HRK: variants seen among roughly 807,000 people sequenced by gnomAD.
The protein encoded by HRK is harakiri, BCL2 interacting protein, also known as activator of apoptosis harakiri.
Under a neutral mutation model 5.9 loss-of-function variants are expected in HRK, and 6 were observed. The observed-to-expected ratio is 1.02, with a 90% CI of 0.56 to 2.01. HRK has a LOEUF of 2.01. HRK is among the 30% of genes most tolerant of loss of function. The probability of loss-of-function intolerance (pLI) is 0.00; values close to 1 mark genes in which losing one functional copy is unlikely to be tolerated. For synonymous variants in HRK, 85 were observed against 65.1 expected, an observed-to-expected ratio of 1.31 and a Z score of -1.47; for missense variants, 133 against 128.3, an observed-to-expected ratio of 1.04 and a Z score of -0.18.
At chr12:116,864,198 T>C (rs1565882308) in intron 1 of HRK, among the ~76,000 whole-genome samples, 1 of 152,202 alleles carries the variant, frequency 6.6e-6, no homozygotes, top group Non-Finnish European at 1.5e-5. Context: ...ACCTACAGAA[T>C]GAAAGTCAGT....
rs1462060692 is a variant in HRK at position 116,857,071 on chromosome 12, A to T, written c.*4452T>A. On this transcript the variant is annotated 3_prime_UTR_variant, in exon 2 of 2. Coordinates refer to ENST00000257572, the MANE Select transcript of HRK (RefSeq NM_003806.4). ...GCCTTTACCAGATAGCAGGGCTCTC[A>T]GTAAATACTATATAACAATCTGCCA... 1 of 152,234 alleles carries T rather than the reference A, an allele frequency of 6.6e-6. No individual in the cohort carries two copies. Among genetic ancestry groups the T allele is most frequent in the African/African-American group, 2.4e-5 (1 of 41,454 alleles). The allele number at this position is 152,234 out of a possible 1,614,324, so 9.4% of individuals were successfully genotyped here.
intron 1 of HRK, among the ~76,000 whole-genome samples, chr12:116,865,805 G>A (rs1331880220): frequency 1.3e-5 from 2 of 152,136 alleles, no homozygotes; most frequent in Non-Finnish European, 2.9e-5. Context: ...ACAACGCCCA[G>A]CGTATACTAG....
At position 116,878,607 on chromosome 12, in the gene HRK, G is replaced by A. The variant is rs73393797; in HGVS notation, c.*56+2369C>T. On this transcript the variant is annotated intron_variant, in intron 1 of 1. Coordinates refer to ENST00000257572, the MANE Select transcript of HRK (RefSeq NM_003806.4). This position sits in a 1 kb window ranked among gnomAD's most constrained non-coding sequence, Gnocchi z 4.4. ...GCCCGAGCACTGAGAACCCGGCCTG[G>A]GAGCGCAGGAAGGCGGGTGGTGAGC... The A allele has an allele frequency of 0.029, 4,453 of 152,902 alleles. 226 individuals carry two copies. Among genetic ancestry groups the A allele is most frequent in the African/African-American group, 0.1 (4,208 of 41,568 alleles). 9.5% of individuals were successfully genotyped at this position (152,902 alleles called of 1,614,324 possible). A position where few individuals can be genotyped will look rare whatever the true frequency, so the allele number is the denominator to read the frequency against.
chr12:116,858,226 T>G lies in HRK; in HGVS notation c.*3297A>C, dbSNP rs1211882329. 1.4e-5 allele frequency: 2 copies of G among 143,692 alleles called. No homozygotes were observed. Among genetic ancestry groups the G allele is most frequent in the South Asian group, 2.2e-4 (1 of 4,648 alleles). 8.9% of individuals were successfully genotyped at this position (143,692 alleles called of 1,614,324 possible). A position where few individuals can be genotyped will look rare whatever the true frequency, so the allele number is the denominator to read the frequency against. ...AAAACAGGAACTGGGGTCTAGGACA[T>G]GCGCACGGCCTAGGACCATGGACAG... On this transcript the variant is annotated 3_prime_UTR_variant, in exon 2 of 2. Transcript: ENST00000257572.
At position 116,880,961 on chromosome 12, in the gene HRK, CGCTCGCTCGCGTACCTGTT is replaced by C; in HGVS notation, c.*52_*56+14del. 1 of 1,177,506 alleles carries C rather than the reference CGCTCGCTCGCGTACCTGTT, an allele frequency of 8.5e-7. No homozygotes were observed. Among genetic ancestry groups the C allele is most frequent in the Non-Finnish European group, 1.1e-6 (1 of 929,010 alleles). 72.9% of individuals were successfully genotyped at this position (1,177,506 alleles called of 1,614,324 possible). A position where few individuals can be genotyped will look rare whatever the true frequency, so the allele number is the denominator to read the frequency against. On this transcript the variant is annotated splice_donor_variant and splice_donor_5th_base_variant and 3_prime_UTR_variant and intron_variant, in exon 1 of 2. Coordinates refer to ENST00000257572, the MANE Select transcript of HRK (RefSeq NM_003806.4). LOFTEE classifies it low-confidence loss of function (3UTR_SPLICE). The stretch of plus-strand genomic sequence containing the variant: ...CAGCTGCCGCGCCCCGGCTCTCGCT[CGCTCGCTCGCGTACCTGTT>C]GCTCGCTCCGGCTGGGTCTCGGCTC...
Position 116,858,570 on chromosome 12 carries a change from A to C in HRK, c.*2953T>G, listed in dbSNP as rs1878240653. The C allele has an allele frequency of 1.3e-5, 1 of 79,954 alleles. No individual in the cohort carries two copies. Among genetic ancestry groups the C allele is most frequent in the South Asian group, 6.0e-4 (1 of 1,670 alleles). The allele number at this position is 79,954 out of a possible 1,614,324, so 5.0% of individuals were successfully genotyped here. ...ATCTCAGAGGCCTCCCTCTGCTTGT[A>C]CGGTCACACACACACACACACACAC... On this transcript the variant is annotated 3_prime_UTR_variant, in exon 2 of 2. Transcript: ENST00000257572.
rs1210143487 is a variant in HRK, at chr12:116,881,248, C to G, written c.60G>C (p.Ala20=). The G allele has an allele frequency of 1.4e-5, 15 of 1,096,374 alleles. No homozygotes were observed. The highest frequency in any genetic ancestry group is 1.4e-5 in the Non-Finnish European group (13 of 903,360). 67.9% of individuals were successfully genotyped at this position (1,096,374 alleles called of 1,614,324 possible). A position where few individuals can be genotyped will look rare whatever the true frequency, so the allele number is the denominator to read the frequency against. Residue 20 remains alanine, a synonymous_variant, in exon 1 of 2, where the codon GCG becomes GCC. Coordinates refer to ENST00000257572, the MANE Select transcript of HRK (RefSeq NM_003806.4). ...CGGACGAGCGCAGCCCCAGGCGACC[C>G]GCGCTGCAGGCGCACACGGCCGGGG... is the stretch of plus-strand genomic sequence containing the variant. ...RGPPAVCACS[A]GRLGLRSSAA...
At chr12:116,863,123 G>A (rs188354845) in intron 1 of HRK, among the ~76,000 whole-genome samples, 135 of 152,318 alleles carry the variant, frequency 8.9e-4, no homozygotes, top group African/African-American at 3.0e-3. Flanking sequence ...GCATATGAAC[G>A]AGCATGTGGG....
chr12:116,876,019 C>T (rs1418354887), intron 1 of HRK, among the ~76,000 whole-genome samples: 1 of 152,086 alleles, frequency 6.6e-6, no homozygotes, highest in Non-Finnish European at 1.5e-5. Context: ...CTCCCCACCT[C>T]TCGTTATCTG....
Position 116,858,492 on chromosome 12 carries a change from T to C in HRK, c.*3031A>G, listed in dbSNP as rs1253221206. 2 of 149,500 alleles carry C rather than the reference T, an allele frequency of 1.3e-5. No individual in the cohort carries two copies. The highest frequency in any genetic ancestry group is 4.9e-5 in the African/African-American group (2 of 40,572). 9.3% of individuals were successfully genotyped at this position (149,500 alleles called of 1,614,324 possible). A position where few individuals can be genotyped will look rare whatever the true frequency, so the allele number is the denominator to read the frequency against. On this transcript the variant is annotated 3_prime_UTR_variant, in exon 2 of 2. Transcript: ENST00000257572. ...TGAGAGCAAGCAGCACCATCAGAAATGAAGAGGCAAAAGTCTCTTCATCTC... is the reference window on the plus strand; with the variant it reads ...TGAGAGCAAGCAGCACCATCAGAAACGAAGAGGCAAAAGTCTCTTCATCTC...
In HRK at chr12:116,861,704, G is replaced by A. The variant is rs919938802; in HGVS notation, c.*57-238C>T. ...GCCTTCCCCAAATAGACATTTGTGC[G>A]TGCACACACACTCCCCTCTCTGCTT... On this transcript the variant is annotated intron_variant, in intron 1 of 1. Coordinates refer to ENST00000257572, the MANE Select transcript of HRK (RefSeq NM_003806.4). Among the ~76,000 whole-genome samples the A allele has an allele frequency of 2.0e-4, 30 of 152,230 alleles. No homozygotes were observed. In the East Asian group the frequency reaches 2.3e-3, roughly 12 times the overall value.
At position 116,881,191 on chromosome 12, in the gene HRK, C is replaced by A. The variant is rs1197548255; in HGVS notation, c.117G>T (p.Ala39=). 45 of 1,146,282 alleles carry A rather than the reference C, an allele frequency of 3.9e-5. No individual in the cohort carries two copies. Among genetic ancestry groups the A allele is most frequent in the Non-Finnish European group, 4.8e-5 (45 of 934,464 alleles). The allele number at this position is 1,146,282 out of a possible 1,614,324, so 71.0% of individuals were successfully genotyped here. The change falls in exon 1 of 2, where the codon GCG becomes GCT. Residue 39 remains alanine, a synonymous_variant. Coordinates refer to ENST00000257572, the MANE Select transcript of HRK (RefSeq NM_003806.4). ...AAQLTAARLK[A]LGDELHQRTM... is the part of the protein sequence containing the mutation. Reference sequence around the variant, plus strand: ...TGCGCTGGTGCAGCTCGTCGCCTAGCGCCTTGAGCCGGGCGGCGGTGAGCT... The same window carrying A: ...TGCGCTGGTGCAGCTCGTCGCCTAGAGCCTTGAGCCGGGCGGCGGTGAGCT...
At chr12:116,866,316 G>A (rs1349762406) in intron 1 of HRK, among the ~76,000 whole-genome samples, 1 of 151,606 alleles carries the variant, frequency 6.6e-6, no homozygotes, top group Non-Finnish European at 1.5e-5. Context: ...CTGCTACTCA[G>A]GTGGCTGAGG....
chr12:116,872,093 A>G (rs1275391993), intron 1 of HRK, among the ~76,000 whole-genome samples: 2 of 152,090 alleles, frequency 1.3e-5, no homozygotes, highest in Non-Finnish European at 2.9e-5. Context: ...ACCAACTTCT[A>G]AGCATGGTGG....
chr12:116,869,245 G>A lies in HRK; in HGVS notation c.*57-7779C>T, dbSNP rs545206572. Among the ~76,000 whole-genome samples, 16 of 152,212 alleles carry A rather than the reference G, an allele frequency of 1.1e-4. No individual in the cohort carries two copies. The East Asian group carries it at 2.9e-3, about 28-fold the overall frequency. ...GCTCTACCCACCTCGGTCCCCCAAAGTGCTGGGATTACAGGTGTGAGCCAC... is the reference window on the plus strand; with the variant it reads ...GCTCTACCCACCTCGGTCCCCCAAAATGCTGGGATTACAGGTGTGAGCCAC... On this transcript the variant is annotated intron_variant, in intron 1 of 1. Coordinates refer to ENST00000257572, the MANE Select transcript of HRK (RefSeq NM_003806.4).
At chr12:116,861,962 C>T (rs1324057032) in intron 1 of HRK, among the ~76,000 whole-genome samples, 3 of 152,208 alleles carry the variant, frequency 2.0e-5, no homozygotes, top group Admixed American at 1.3e-4. Flanking sequence ...CTAGGGGCTA[C>T]AGGTTCAATG....
chr12:116,876,585 C>G (rs1031847769), intron 1 of HRK: 1 of 152,384 alleles, frequency 6.6e-6, no homozygotes, highest in East Asian at 1.9e-4. Context: ...GCCCTGGCCC[C>G]GACTCCCAGG....
chr12:116,861,350 C>A lies in HRK; in HGVS notation c.*173G>T. 6.6e-6 allele frequency: 1 copy of A among 152,326 alleles called. No individual in the cohort carries two copies. Among genetic ancestry groups the A allele is most frequent in the South Asian group, 2.1e-4 (1 of 4,826 alleles). 9.4% of individuals were successfully genotyped at this position (152,326 alleles called of 1,614,324 possible). A position where few individuals can be genotyped will look rare whatever the true frequency, so the allele number is the denominator to read the frequency against. On this transcript the variant is annotated 3_prime_UTR_variant, in exon 2 of 2. Transcript: ENST00000257572. ...TCTGTGTTTCTACGATCGCTCCAGG[C>A]GCTGTCTTTACTCTCCACTTCCTTC... is the stretch of plus-strand genomic sequence containing the variant.
In HRK at chr12:116,878,811, G is replaced by C. The variant is rs1252617698; in HGVS notation, c.*56+2165C>G. On this transcript the variant is annotated intron_variant, in intron 1 of 1. Coordinates refer to ENST00000257572, the MANE Select transcript of HRK (RefSeq NM_003806.4). This position sits in a 1 kb window ranked among gnomAD's most constrained non-coding sequence, Gnocchi z 4.4. ...AGGTGTGGGAAGAGGGTGTCTCCGA[G>C]TCAGGGCGCAGCACGGAAGTAACTC... is the stretch of plus-strand genomic sequence containing the variant. 1.3e-5 allele frequency among the ~76,000 whole-genome samples: 2 copies of C among 152,200 alleles called. No individual in the cohort carries two copies. Among genetic ancestry groups the C allele is most frequent in the Admixed American group, 6.5e-5 (1 of 15,288 alleles).
Sources: allele counts gnomAD v4.1 joint callset (sites outside exome capture counted in the v4.1 genomes callset), GRCh38; gene constraint gnomAD v4.1.1; non-coding constraint Gnocchi (gnomAD v3.1); transcripts MANE v1.5; gene names NCBI Gene and HGNC (gene_info 2026-07-23, HGNC 2026-07-21).